The following ZNF474 variants were observed in gnomAD, a reference collection of about 807,000 sequenced individuals.
ZNF474 encodes 4933409D10Rik.
For synonymous variants in ZNF474, 192 were observed against 162.2 expected (o/e 1.18, Z -1.39); for missense variants, 511 against 433.8 (o/e 1.18, Z -1.58).
At chr5:122,138,187 A>C (rs760311926) in intron 1 of ZNF474, among the ~76,000 whole-genome samples, 5 of 152,242 alleles carry the variant, frequency 3.3e-5, no homozygotes, top group Non-Finnish European at 7.3e-5. Flanking sequence ...AAATATAAGA[A>C]GATGATAGAA....
At chr5:122,145,652 T>C (rs1479056393) in intron 1 of ZNF474, among the ~76,000 whole-genome samples, 2 of 152,184 alleles carry the variant, frequency 1.3e-5, no homozygotes, top group African/African-American at 4.8e-5. Context: ...GGAAGAACAA[T>C]ACATTCTAGC....
At chr5:122,136,361 C>T (rs1755700097) in intron 1 of ZNF474, among the ~76,000 whole-genome samples, 1 of 151,692 alleles carries the variant, frequency 6.6e-6, no homozygotes, top group African/African-American at 2.4e-5. Flanking sequence ...GCACTCAGAA[C>T]ATATGTGGTC....
Position 122,153,221 on chromosome 5 carries a change from G to A in ZNF474, c.*136G>A. On this transcript the variant is annotated 3_prime_UTR_variant, in exon 2 of 2. Coordinates refer to ENST00000296600, the MANE Select transcript of ZNF474 (RefSeq NM_207317.3). Reference sequence around the variant, plus strand: ...AACTCCAGGGCCTATACCTCTCTTGGCTGAATAGATATAAGAACATCCTTG... The same window carrying A: ...AACTCCAGGGCCTATACCTCTCTTGACTGAATAGATATAAGAACATCCTTG... 5 of 1,088,024 alleles carry A rather than the reference G, an allele frequency of 4.6e-6. 1 individual carries two copies. The highest frequency in any genetic ancestry group is 6.5e-6 in the Non-Finnish European group (5 of 770,422). 67.4% of individuals were successfully genotyped at this position (1,088,024 alleles called of 1,614,324 possible).
chr5:122,147,358 T>C (rs531365610), intron 1 of ZNF474, among the ~76,000 whole-genome samples: 2 of 152,338 alleles, frequency 1.3e-5, no homozygotes, highest in African/African-American at 4.8e-5. Flanking sequence ...ATCAACTATA[T>C]TTCTTTTGTT....
Position 122,152,470 on chromosome 5 carries a change from T to C in ZNF474, c.480T>C (p.Ser160=), listed in dbSNP as rs1395457109. 1 of 1,614,130 alleles carries C rather than the reference T, an allele frequency of 6.2e-7. No homozygotes were observed. The highest frequency in any genetic ancestry group is 1.7e-5 in the Admixed American group (1 of 60,022). The change falls in exon 2 of 2, where the codon AGT becomes AGC. Residue 160 remains serine (S), a synonymous_variant. Transcript: ENST00000296600. The part of the protein sequence containing the change: ...LQATNEAAFQ[S]AQAQLLPCES... Reference sequence around the variant, plus strand: ...CAACTAACGAGGCTGCATTTCAGAGTGCCCAGGCTCAGCTGCTGCCCTGTG... The same window carrying C: ...CAACTAACGAGGCTGCATTTCAGAGCGCCCAGGCTCAGCTGCTGCCCTGTG...
rs567881534 is a variant in ZNF474, at chr5:122,153,447, A to G, written c.*362A>G. On this transcript the variant is annotated 3_prime_UTR_variant, in exon 2 of 2. Transcript: ENST00000296600. Reference sequence around the variant, plus strand: ...TATTGTCGGTTTATTTTAGTCATCTACCTTAGGAATTCATTTTTGGCAATG... The same window carrying G: ...TATTGTCGGTTTATTTTAGTCATCTGCCTTAGGAATTCATTTTTGGCAATG... The G allele has an allele frequency of 9.5e-6, 2 of 210,414 alleles. No homozygotes were observed. The highest frequency in any genetic ancestry group is 2.1e-5 in the Non-Finnish European group (2 of 96,532). 13.0% of individuals were successfully genotyped at this position (210,414 alleles called of 1,614,324 possible).
chr5:122,138,643 A>G (rs982781779), intron 1 of ZNF474, among the ~76,000 whole-genome samples: 5 of 152,232 alleles, frequency 3.3e-5, no homozygotes, highest in African/African-American at 7.2e-5. Context: ...GCATATCATC[A>G]CTAAATAAGT....
rs555664705 is a variant in ZNF474 at position 122,129,634 on chromosome 5, T to A, written c.-262T>A. ...TTCCTGTTTCTGTCAGCTCCTTCCCTGAAAACTCAGAGGTGCTCAGCATGC... is the reference window on the plus strand; with the variant it reads ...TTCCTGTTTCTGTCAGCTCCTTCCCAGAAAACTCAGAGGTGCTCAGCATGC... On this transcript the variant is annotated 5_prime_UTR_variant, in exon 1 of 2. Coordinates refer to ENST00000296600, the MANE Select transcript of ZNF474 (RefSeq NM_207317.3). The A allele has an allele frequency of 5.3e-5, 8 of 152,326 alleles. No homozygotes were observed. The East Asian group carries it at 1.5e-3, about 29-fold the overall frequency. The allele number at this position is 152,326 out of a possible 1,614,324, so 9.4% of individuals were successfully genotyped here.
At chr5:122,130,101 G>A (rs532475989) in intron 1 of ZNF474, among the ~76,000 whole-genome samples, 1 of 151,964 alleles carries the variant, frequency 6.6e-6, no homozygotes, top group African/African-American at 2.4e-5. Context: ...ATGTTTATTA[G>A]CCAGATTATC....
chr5:122,140,114 C>A (rs1166461448), intron 1 of ZNF474, among the ~76,000 whole-genome samples: 1 of 152,168 alleles, frequency 6.6e-6, no homozygotes, highest in Non-Finnish European at 1.5e-5. Flanking sequence ...ATTGGAAACC[C>A]TAGGTATTAC....
chr5:122,139,779 C>A (rs183342594), intron 1 of ZNF474, among the ~76,000 whole-genome samples: 28 of 152,312 alleles, frequency 1.8e-4, no homozygotes, highest in African/African-American at 5.3e-4. Context: ...AAGGACATGA[C>A]ATCACATCTG....
chr5:122,148,313 T>A (rs1054565549), intron 1 of ZNF474, among the ~76,000 whole-genome samples: 2 of 152,122 alleles, frequency 1.3e-5, no homozygotes, highest in African/African-American at 4.8e-5. Flanking sequence ...TTAGTCACAA[T>A]AAGGGAAAAA....
Position 122,152,270 on chromosome 5 carries a change from T to C in ZNF474, c.280T>C (p.Phe94Leu), listed in dbSNP as rs1388066120. 3 of 1,614,070 alleles carry C rather than the reference T, an allele frequency of 1.9e-6. No individual in the cohort carries two copies. Among genetic ancestry groups the C allele is most frequent in the Admixed American group, 1.7e-5 (1 of 60,010 alleles). ...TGTGATCCCGGCCCGCAGGCCTGGA[T>C]TCCGGGTATGCTATATCTGTGGCCG... is the stretch of plus-strand genomic sequence containing the variant. Reference protein sequence around the residue: ...PPVIPARRPGFRVCYICGREF... With the variant: ...PPVIPARRPGLRVCYICGREF... The change falls in exon 2 of 2, where the codon TTC becomes CTC. Residue 94 changes from phenylalanine to leucine, a missense_variant. Coordinates refer to ENST00000296600, the MANE Select transcript of ZNF474 (RefSeq NM_207317.3).
rs116012229 is a variant in ZNF474 at position 122,152,273 on chromosome 5, C to T, written c.283C>T (p.Arg95Trp). The change falls in exon 2 of 2, where the codon CGG (arginine) becomes TGG (tryptophan). Residue 95 changes from arginine to tryptophan, a missense_variant. Coordinates refer to ENST00000296600, the MANE Select transcript of ZNF474 (RefSeq NM_207317.3). ...PVIPARRPGF[R>W]VCYICGREFG... is the part of the protein sequence containing the mutation. ...GATCCCGGCCCGCAGGCCTGGATTC[C>T]GGGTATGCTATATCTGTGGCCGAGA... 70 of 1,614,200 alleles carry T rather than the reference C, an allele frequency of 4.3e-5. No homozygotes were observed. Among genetic ancestry groups the T allele is most frequent in the African/African-American group, 8.0e-5 (6 of 75,048 alleles).
intron 1 of ZNF474, among the ~76,000 whole-genome samples, chr5:122,141,224 C>T (rs903747356): frequency 6.7e-6 from 1 of 149,074 alleles, no homozygotes; most frequent in African/African-American, 2.5e-5. Context: ...GATCTCAGCT[C>T]ACAGCAGCCT....
intron 1 of ZNF474, among the ~76,000 whole-genome samples, chr5:122,149,727 T>A (rs981717686): frequency 3.3e-5 from 5 of 152,184 alleles, no homozygotes; most frequent in African/African-American, 1.2e-4. Flanking sequence ...GAGAATTAAC[T>A]AAAATTATGT....
intron 1 of ZNF474, among the ~76,000 whole-genome samples, chr5:122,138,480 T>C (rs1175909542): frequency 6.6e-6 from 1 of 152,184 alleles, no homozygotes; most frequent in Non-Finnish European, 1.5e-5. Context: ...TTTAGTGAAA[T>C]TATTGTGAAA....
Position 122,152,935 on chromosome 5 carries a change from T to C in ZNF474, c.945T>C (p.Tyr315=). ...SCKTHPYGPK[Y]QNLNLGSKGG... is the part of the protein sequence containing the mutation. ...AAACTCATCCTTATGGGCCAAAATA[T>C]CAGAATTTGAATTTAGGGAGTAAAG... The change falls in exon 2 of 2, where the codon TAT becomes TAC. Residue 315 remains tyrosine (Y), a synonymous_variant. Coordinates refer to ENST00000296600, the MANE Select transcript of ZNF474 (RefSeq NM_207317.3). The C allele has an allele frequency of 6.2e-7, 1 of 1,606,720 alleles. No homozygotes were observed. The highest frequency in any genetic ancestry group is 8.5e-7 in the Non-Finnish European group (1 of 1,179,868).
At chr5:122,136,587 C>G (rs1415579067) in intron 1 of ZNF474, among the ~76,000 whole-genome samples, 1 of 152,176 alleles carries the variant, frequency 6.6e-6, no homozygotes, top group Non-Finnish European at 1.5e-5. Flanking sequence ...AGGTATAGTG[C>G]TTGGTCTAGT....
Sources: gnomAD v4.1 joint callset for allele counts (sites outside exome capture counted in the v4.1 genomes callset) on GRCh38, gnomAD v4.1.1 for gene constraint, MANE v1.5 for transcripts, NCBI Gene and HGNC (gene_info 2026-07-23, HGNC 2026-07-21) for gene names.